The following IREB2 variants were observed in gnomAD, a reference collection of about 807,000 sequenced individuals.
The protein encoded by IREB2 is iron responsive element binding protein 2.
A neutral mutation model predicts 118.8 loss-of-function variants in IREB2; 39 were observed. The ratio of observed to expected loss-of-function variants is 0.33; its 90% CI spans 0.25 to 0.43. The LOEUF is 0.43. IREB2 is among the 20% of genes least tolerant of loss of function. The pLI is 1.00. For missense variants in IREB2, 900 were observed against 1,147.3 expected, an observed-to-expected ratio of 0.78 and a Z score of 3.11; for synonymous variants, 372 against 392.2, an observed-to-expected ratio of 0.95 and a Z score of 0.61.
intron 4 of IREB2, 39 bp from the exon 5 acceptor site, chr15:78,466,232 T>C: frequency 6.9e-7 from 1 of 1,458,422 alleles, no homozygotes; most frequent in Non-Finnish European, 9.5e-7. Context: ...TTGTGTCCCT[T>C]TTAAATGGCT....
chr15:78,465,094 T>C (rs2141478494), intron 3 of IREB2, among the ~76,000 whole-genome samples, 157 bp from the exon 4 acceptor site: 1 of 152,350 alleles, frequency 6.6e-6, no homozygotes, highest in Middle Eastern at 3.4e-3. Flanking sequence ...TAATTCTTAT[T>C]AAACAGGATA....
chr15:78,466,181 A>G, intron 4 of IREB2, 90 bp from the exon 5 acceptor site: 1 of 744,396 alleles, frequency 1.3e-6, no homozygotes, highest in South Asian at 1.8e-5. Context: ...AGTTACTTCC[A>G]GATAGCGTTG....
Position 78,450,868 on chromosome 15 carries a change from G to T in IREB2, c.106+10987G>T, listed in dbSNP as rs914105252. Reference sequence around the variant, plus strand: ...TGTGTGTGTGTGTGTGTGTGTGTGTGTGTGTATTTTAATATACAATGTAAT... The same window carrying T: ...TGTGTGTGTGTGTGTGTGTGTGTGTTTGTGTATTTTAATATACAATGTAAT... On this transcript the variant is annotated intron_variant, in intron 2 of 21. Transcript: ENST00000258886. Among the ~76,000 whole-genome samples the T allele has an allele frequency of 3.0e-5, 4 of 134,088 alleles. No individual in the cohort carries two copies. In the East Asian group the frequency reaches 8.5e-4, roughly 28 times the overall value. 88.0% of individuals were successfully genotyped at this position (134,088 alleles called of 152,430 possible).
intron 2 of IREB2, among the ~76,000 whole-genome samples, chr15:78,449,119 ACTTAGT>A (rs746956338): frequency 6.6e-5 from 10 of 152,200 alleles, no homozygotes; most frequent in Non-Finnish European, 1.0e-4. Context: ...AGGTGAGGAA[ACTTAGT>A]CTTAAACTCA....
intron 10 of IREB2, among the ~76,000 whole-genome samples, chr15:78,482,828 A>C (rs948304564): frequency 4.0e-5 from 6 of 151,870 alleles, no homozygotes; most frequent in African/African-American, 1.5e-4. Flanking sequence ...GCTCACTGCA[A>C]GCTCCGCCTC....
chr15:78,479,794 T>C (rs1008291510), intron 10 of IREB2, among the ~76,000 whole-genome samples: 1 of 152,072 alleles, frequency 6.6e-6, no homozygotes, highest in African/African-American at 2.4e-5. Context: ...AGTGGCATGC[T>C]CCCGTGGTTC....
chr15:78,463,251 C>T (rs1405239417), intron 3 of IREB2, among the ~76,000 whole-genome samples, 164 bp downstream of exon 3: 2 of 152,016 alleles, frequency 1.3e-5, no homozygotes, highest in East Asian at 3.9e-4. Context: ...TCAGTCTGGG[C>T]AACATAGTGA....
rs16969858 is a variant in IREB2, at chr15:78,446,438, C to T, written c.106+6557C>T. 3.7e-3 allele frequency among the ~76,000 whole-genome samples: 558 copies of T among 152,148 alleles called. 22 individuals carry two copies. In the East Asian group the frequency reaches 0.092, roughly 25 times the overall value. The stretch of plus-strand genomic sequence containing the variant: ...AGAAGGATTTATTGTAATGATACAG[C>T]GCTCCCCAGGCCAATGAAATGTGGC... On this transcript the variant is annotated intron_variant, in intron 2 of 21. Transcript: ENST00000258886.
At chr15:78,453,492 A>G (rs2051057525) in intron 2 of IREB2, among the ~76,000 whole-genome samples, 2 of 152,214 alleles carry the variant, frequency 1.3e-5, no homozygotes, top group South Asian at 4.1e-4. Flanking sequence ...TGATGGGAAG[A>G]AACCAGTTGA....
At chr15:78,441,533 A>T (rs1372893693) in intron 2 of IREB2, among the ~76,000 whole-genome samples, 1 of 152,208 alleles carries the variant, frequency 6.6e-6, no homozygotes, top group East Asian at 1.9e-4. Context: ...AGGAGCACAT[A>T]AGATGTTTTG....
At chr15:78,451,608 C>T (rs576840959) in intron 2 of IREB2, among the ~76,000 whole-genome samples, 1 of 152,240 alleles carries the variant, frequency 6.6e-6, no homozygotes, top group South Asian at 2.1e-4. Flanking sequence ...GGTTGAGTAT[C>T]CCTAATCTGA....
intron 2 of IREB2, among the ~76,000 whole-genome samples, chr15:78,450,824 TTGTGTG>T (rs35092289): frequency 0.093 from 12,494 of 133,970 alleles, 595 homozygotes; most frequent in South Asian, 0.14. Flanking sequence ...ATTAACAAAT[TTGTGTG>T]TGTGTGTGTG....
At position 78,471,879 on chromosome 15, in the gene IREB2, G is replaced by C. The variant is rs1302871512; in HGVS notation, c.838G>C (p.Asp280His). Residue 280 changes from aspartate to histidine, a missense_variant, in exon 7 of 22, where the codon GAT (aspartate) becomes CAT (histidine). Asp to His is a moderately conservative substitution (Grantham distance 81). Transcript: ENST00000258886. The part of the protein sequence containing the change: ...LLFPDSVVGT[D>H]SHITMVNGLG... ...CTTCCCAGACAGTGTAGTCGGCACA[G>C]ATTCACACATAACGATGGTGAATGG... is the stretch of plus-strand genomic sequence containing the variant. The C allele has an allele frequency of 1.2e-6, 2 of 1,611,398 alleles. No individual in the cohort carries two copies. Among genetic ancestry groups the C allele is most frequent in the South Asian group, 2.2e-5 (2 of 90,226 alleles).
chr15:78,450,147 A>G (rs2050999012), intron 2 of IREB2, among the ~76,000 whole-genome samples: 1 of 152,222 alleles, frequency 6.6e-6, no homozygotes, highest in African/African-American at 2.4e-5. Flanking sequence ...AAAGATGGCT[A>G]AGATAGCATC....
intron 3 of IREB2, among the ~76,000 whole-genome samples, chr15:78,464,890 G>A (rs75557544): frequency 0.013 from 2,013 of 152,238 alleles, 63 homozygotes; most frequent in African/African-American, 0.045. Flanking sequence ...AGCTACTGTG[G>A]ATAGCTTTGG....
rs979379137 is a variant in IREB2 at position 78,499,674 on chromosome 15, C to A, written c.*1531C>A. The A allele has an allele frequency of 6.6e-6, 1 of 152,052 alleles. No homozygotes were observed. Among genetic ancestry groups the A allele is most frequent in the African/African-American group, 2.4e-5 (1 of 41,390 alleles). 9.4% of individuals were successfully genotyped at this position (152,052 alleles called of 1,614,324 possible). On this transcript the variant is annotated 3_prime_UTR_variant, in exon 22 of 22. Coordinates refer to ENST00000258886, the MANE Select transcript of IREB2 (RefSeq NM_004136.4). ...TTAAATTTTGTATAAGTATTTTCTT[C>A]GACACTTTCAAATTATATTGTGTTC...
Position 78,499,416 on chromosome 15 carries a change from G to GCAA in IREB2, c.*1273_*1274insCAA, listed in dbSNP as rs1406592135. ...TCTAGCAGGCTAAAGGTTAATTGTA[G>GCAA]TGATTTTTTTTCACATAGATATCTT... On this transcript the variant is annotated 3_prime_UTR_variant, in exon 22 of 22. Coordinates refer to ENST00000258886, the MANE Select transcript of IREB2 (RefSeq NM_004136.4). 1 of 152,010 alleles carries GCAA rather than the reference G, an allele frequency of 6.6e-6. No homozygotes were observed. Among genetic ancestry groups the GCAA allele is most frequent in the African/African-American group, 2.4e-5 (1 of 41,376 alleles). 9.4% of individuals were successfully genotyped at this position (152,010 alleles called of 1,614,324 possible).
intron 2 of IREB2, among the ~76,000 whole-genome samples, chr15:78,447,375 G>C (rs2050948521): frequency 6.7e-6 from 1 of 148,960 alleles, no homozygotes; most frequent in Non-Finnish European, 1.5e-5. Flanking sequence ...CTGTCACCCA[G>C]GCTGGAATGC....
chr15:78,473,496 G>A (rs796884110), intron 8 of IREB2, 115 bp downstream of exon 8: 16 of 721,560 alleles, frequency 2.2e-5, no homozygotes, highest in Non-Finnish European at 3.0e-5. Context: ...GTCTCTTGAC[G>A]TTAGCCACAT....
Sources: allele counts gnomAD v4.1 joint callset (sites outside exome capture counted in the v4.1 genomes callset), GRCh38; gene constraint gnomAD v4.1.1; transcripts MANE v1.5; gene names NCBI Gene and HGNC (gene_info 2026-07-23, HGNC 2026-07-21).